The following GPHN variants were observed in gnomAD, a reference collection of about 807,000 sequenced individuals.
GPHN encodes the protein gephyrin.
A neutral mutation model predicts 95.5 loss-of-function variants in GPHN; 17 were observed. That is an observed-to-expected ratio of 0.18 (90% confidence interval 0.12 to 0.27). The LOEUF is 0.27. Among genes scored for constraint, GPHN ranks in the 10% least tolerant of loss-of-function variants. The pLI is 1.00. For synonymous variants in GPHN, 320 were observed against 322.5 expected (o/e 0.99, Z 0.08); for missense variants, 660 against 978.1 (o/e 0.67, Z 4.34).
At chr14:66,777,235 A>C (rs376177314) in intron 3 of GPHN, among the ~76,000 whole-genome samples, 5 of 152,204 alleles carry the variant, frequency 3.3e-5, no homozygotes, top group African/African-American at 1.2e-4. Context: ...GAAATGGATA[A>C]ATTCCTCGAC....
chr14:66,937,303 C>A (rs2067179754), intron 8 of GPHN, among the ~76,000 whole-genome samples: 1 of 152,206 alleles, frequency 6.6e-6, no homozygotes, highest in South Asian at 2.1e-4. Context: ...AGAGCCTGGC[C>A]TCTAAGATAG....
At chr14:67,719,397 C>T in the GPHN span, among the ~76,000 whole-genome samples, 679 of 152,286 alleles carry the variant, frequency 4.5e-3, 35 homozygotes, top group East Asian at 0.1. Flanking sequence ...AAGACCTTTT[C>T]CAAGCAGTTC....
chr14:67,179,065 A>G (rs1166270291), intron 21 of GPHN, among the ~76,000 whole-genome samples: 1 of 152,122 alleles, frequency 6.6e-6, no homozygotes, highest in Non-Finnish European at 1.5e-5. Flanking sequence ...CACCAGAGCA[A>G]CCCAACCCCT....
At chr14:67,202,239 G>A in the GPHN span, among the ~76,000 whole-genome samples, 2 of 152,182 alleles carry the variant, frequency 1.3e-5, no homozygotes, top group African/African-American at 4.8e-5. Context: ...TCAGGAGTTC[G>A]AGACCAGCCC....
intron 1 of GPHN, among the ~76,000 whole-genome samples, chr14:66,654,096 T>TA (rs1217685256): frequency 3.9e-5 from 6 of 152,182 alleles, no homozygotes; most frequent in Admixed American, 6.5e-5. Context: ...GTCACTATTT[T>TA]AAAAAATGTA....
chr14:66,746,444 T>G (rs1037596076), intron 2 of GPHN, among the ~76,000 whole-genome samples: 1 of 152,134 alleles, frequency 6.6e-6, no homozygotes. Flanking sequence ...TACAAGACTT[T>G]GGTGTGCAAT....
chr14:67,492,505 T>C, the GPHN span, among the ~76,000 whole-genome samples: 2 of 152,218 alleles, frequency 1.3e-5, no homozygotes, highest in African/African-American at 4.8e-5. Flanking sequence ...ATCTGGGTTC[T>C]TCCCACTACT....
chr14:67,302,578 T>G, the GPHN span: 2 of 1,475,772 alleles, frequency 1.4e-6, no homozygotes, highest in Non-Finnish European at 1.8e-6. Context: ...GTTGGTAAGT[T>G]GACGCAGCTA....
the GPHN span, chr14:67,578,007 T>G: frequency 8.1e-6 from 13 of 1,610,780 alleles, no homozygotes; most frequent in Non-Finnish European, 1.1e-5. This position sits in a 1 kb window ranked among gnomAD's most constrained non-coding sequence, Gnocchi z 5.0. Context: ...CTGTGCTCAC[T>G]GCTGTTCCCT....
chr14:67,676,786 A>G, the GPHN span: 1 of 152,238 alleles, frequency 6.6e-6, no homozygotes, highest in African/African-American at 2.4e-5. Flanking sequence ...ATAATAATGA[A>G]CAGTGTTTTC....
At position 66,880,072 on chromosome 14, in the gene GPHN, G is replaced by T. The variant is rs747469779; in HGVS notation, c.389+39G>T. The T allele has an allele frequency of 1.5e-5, 19 of 1,227,782 alleles. No homozygotes were observed. In the Admixed American group the frequency reaches 2.4e-4, roughly 15 times the overall value. 76.1% of individuals were successfully genotyped at this position (1,227,782 alleles called of 1,614,324 possible). Reference sequence around the variant, plus strand: ...CAACATGTTGCAAACCATTTGCTAGGTGAACTGTTTCCGTGATATTAAAAA... The same window carrying T: ...CAACATGTTGCAAACCATTTGCTAGTTGAACTGTTTCCGTGATATTAAAAA... On this transcript the variant is annotated intron_variant, in intron 5 of 22. Coordinates refer to ENST00000478722, the MANE Select transcript of GPHN (RefSeq NM_020806.5).
chr14:67,352,943 T>G, the GPHN span: 1 of 1,610,130 alleles, frequency 6.2e-7, no homozygotes. Flanking sequence ...TTCTTTAGGA[T>G]CTGTCGAAAT....
At chr14:67,198,238 C>G in the GPHN span, 2 of 1,613,878 alleles carry the variant, frequency 1.2e-6, no homozygotes, top group Non-Finnish European at 1.7e-6. Context: ...TCCCATGATC[C>G]GAGAGATCTT....
At chr14:67,380,899 AAAGCTTAAGAAATTAT>A in the GPHN span, 1 of 458,360 alleles carries the variant, frequency 2.2e-6, no homozygotes. Context: ...TTTTATAACA[AAAGCTTAAGAAATTAT>A]TTTGGCTTCT....
At chr14:67,575,452 T>C in the GPHN span, 2 of 1,606,104 alleles carry the variant, frequency 1.2e-6, no homozygotes, top group African/African-American at 1.3e-5. Flanking sequence ...CTTCTACTAC[T>C]ATCGGAGCCA....
the GPHN span, among the ~76,000 whole-genome samples, chr14:67,266,144 G>A: frequency 0.21 from 32,230 of 151,752 alleles, 5,198 homozygotes; most frequent in East Asian, 0.49. Context: ...TGAGTTAAAC[G>A]AGTTCAGTTT....
chr14:67,146,181 C>G (rs1173814215), intron 18 of GPHN, among the ~76,000 whole-genome samples: 1 of 152,180 alleles, frequency 6.6e-6, no homozygotes, highest in Non-Finnish European at 1.5e-5. Flanking sequence ...GACCACTTCT[C>G]CAACATACTG....
chr14:67,674,302 G>A, the GPHN span: 4 of 1,375,358 alleles, frequency 2.9e-6, no homozygotes, highest in Non-Finnish European at 3.9e-6. Flanking sequence ...GGGTCTGGGA[G>A]GAAGGTGGGA....
chr14:67,733,010 T>C, the GPHN span, among the ~76,000 whole-genome samples: 1 of 152,042 alleles, frequency 6.6e-6, no homozygotes, highest in Non-Finnish European at 1.5e-5. Context: ...TTAGGAGATA[T>C]ACCTAATGCT....
Sources: allele counts gnomAD v4.1 joint callset (sites outside exome capture counted in the v4.1 genomes callset), GRCh38; gene constraint gnomAD v4.1.1; non-coding constraint Gnocchi (gnomAD v3.1); transcripts MANE v1.5; gene names NCBI Gene and HGNC (gene_info 2026-07-23, HGNC 2026-07-21).